ERBB4: variants seen among roughly 807,000 people sequenced by gnomAD.
ERBB4 encodes receptor tyrosine-protein kinase erbB-4.
In ERBB4, 42 loss-of-function variants were observed where a neutral mutation model predicts 158.0. The ratio of observed to expected loss-of-function variants is 0.27; its 90% confidence interval spans 0.21 to 0.34. The LOEUF (loss-of-function observed/expected upper bound fraction) is 0.34. ERBB4 is among the 10% of genes least tolerant of loss of function. The pLI is 1.00. For synonymous variants in ERBB4, 583 were observed against 558.7 expected, an observed-to-expected ratio of 1.04 and a Z score of -0.61; for missense variants, 1,333 against 1,624.1, an observed-to-expected ratio of 0.82 and a Z score of 3.08.
chr2:211,943,364 C>T (rs1045614815), intron 3 of ERBB4, among the ~76,000 whole-genome samples: 5 of 152,076 alleles, frequency 3.3e-5, no homozygotes, highest in African/African-American at 1.2e-4. Flanking sequence ...AAAAAGTCAG[C>T]AGGACATCCT....
chr2:212,406,932 G>C (rs142390071), intron 1 of ERBB4, among the ~76,000 whole-genome samples: 31 of 151,970 alleles, frequency 2.0e-4, no homozygotes, highest in Non-Finnish European at 4.0e-4. Context: ...ACCTACTTCA[G>C]TCTCTTTGCA....
chr2:212,323,491 A>G (rs1468992485), intron 1 of ERBB4, among the ~76,000 whole-genome samples: 6 of 150,384 alleles, frequency 4.0e-5, no homozygotes, highest in East Asian at 3.9e-4. Context: ...AACAGTAAAG[A>G]AAAATCATCA....
chr2:211,955,231 A>C (rs2080994626), intron 2 of ERBB4, among the ~76,000 whole-genome samples: 1 of 152,020 alleles, frequency 6.6e-6, no homozygotes, highest in Non-Finnish European at 1.5e-5. Flanking sequence ...TATGAGTTCT[A>C]CTTTCTAAGA....
intron 20 of ERBB4, among the ~76,000 whole-genome samples, chr2:211,547,970 T>C (rs2066985380): frequency 6.6e-6 from 1 of 152,088 alleles, no homozygotes; most frequent in African/African-American, 2.4e-5. Flanking sequence ...TGCTATTTTA[T>C]AGGTTAGACA....
chr2:211,663,266 T>C (rs1422412282), intron 15 of ERBB4, among the ~76,000 whole-genome samples: 1 of 152,136 alleles, frequency 6.6e-6, no homozygotes, highest in African/African-American at 2.4e-5. Flanking sequence ...ATCTGGACAA[T>C]ATGAAGGTGT....
chr2:211,388,598 G>A (rs1381662959), intron 25 of ERBB4, among the ~76,000 whole-genome samples: 1 of 150,942 alleles, frequency 6.6e-6, no homozygotes, highest in Non-Finnish European at 1.5e-5. Flanking sequence ...TTAAGAAAGA[G>A]CAGAAAATTT....
At chr2:212,402,888 T>A (rs1296350292) in intron 1 of ERBB4, among the ~76,000 whole-genome samples, 7 of 152,118 alleles carry the variant, frequency 4.6e-5, no homozygotes, top group Non-Finnish European at 1.0e-4. Flanking sequence ...TCATGATATA[T>A]TTTGTTTCAT....
At chr2:211,602,173 G>T (rs1431172385) in intron 19 of ERBB4, among the ~76,000 whole-genome samples, 3 of 152,032 alleles carry the variant, frequency 2.0e-5, no homozygotes, top group African/African-American at 7.2e-5. Flanking sequence ...GTCCATCCTA[G>T]TCACAGGCCC....
At chr2:212,058,748 T>C (rs545786136) in intron 2 of ERBB4, among the ~76,000 whole-genome samples, 1 of 152,316 alleles carries the variant, frequency 6.6e-6, no homozygotes, top group African/African-American at 2.4e-5. Flanking sequence ...CAGCCCTTCA[T>C]GCTAAAAACT....
chr2:212,331,495 C>T (rs2088169442), intron 1 of ERBB4, among the ~76,000 whole-genome samples: 1 of 151,876 alleles, frequency 6.6e-6, no homozygotes, highest in Admixed American at 6.6e-5. Flanking sequence ...CCCTCTCCTT[C>T]AGTTTTTATA....
In ERBB4 at chr2:211,375,874, T is replaced by C. The variant is rs1039761368; in HGVS notation, c.*7741A>G. The C allele has an allele frequency of 2.6e-5, 6 of 232,714 alleles. No individual in the cohort carries two copies. The highest frequency in any genetic ancestry group is 1.3e-4 in the African/African-American group (6 of 45,294). 14.4% of individuals were successfully genotyped at this position (232,714 alleles called of 1,614,324 possible). A position where few individuals can be genotyped will look rare whatever the true frequency, so the allele number is the denominator to read the frequency against. On this transcript the variant is annotated 3_prime_UTR_variant, in exon 28 of 28. Coordinates refer to ENST00000342788, the MANE Select transcript of ERBB4 (RefSeq NM_005235.3). ...AGCAGTTCGCATTCTATAATTGCCTTGTACAGGTACAATTCTTTCCCAAGA... is the reference window on the plus strand; with the variant it reads ...AGCAGTTCGCATTCTATAATTGCCTCGTACAGGTACAATTCTTTCCCAAGA...
chr2:211,539,226 C>A (rs999669835), intron 20 of ERBB4, among the ~76,000 whole-genome samples: 2 of 151,870 alleles, frequency 1.3e-5, no homozygotes, highest in Admixed American at 6.6e-5. Flanking sequence ...CTATTAGAGT[C>A]ACCCAAGTTA....
At chr2:211,755,315 A>T (rs1218795617) in intron 4 of ERBB4, among the ~76,000 whole-genome samples, 1 of 152,144 alleles carries the variant, frequency 6.6e-6, no homozygotes, top group Non-Finnish European at 1.5e-5. Flanking sequence ...CAGCTTGGGC[A>T]ACATGGCAAA....
intron 1 of ERBB4, among the ~76,000 whole-genome samples, chr2:212,191,689 GTTACATATAACACGTGTTATA>G: frequency 2.0e-5 from 1 of 50,944 alleles, no homozygotes; most frequent in African/African-American, 5.5e-5. Flanking sequence ...TGTTATACAT[GTTACATATAACACGTGTTATA>G]CATGTTACAT....
chr2:211,596,145 A>C (rs943666304), intron 19 of ERBB4, among the ~76,000 whole-genome samples: 1 of 152,126 alleles, frequency 6.6e-6, no homozygotes, highest in Non-Finnish European at 1.5e-5. Context: ...ATTAAACTAC[A>C]TGTTTAATTC....
chr2:211,991,740 T>C lies in ERBB4; in HGVS notation c.235-44124A>G, dbSNP rs543410487. ...TGTTTGAATAGGAATGAGACTAAGATAAATGAACGGAAAGGAAGTTGGAAA... is the reference window on the plus strand; with the variant it reads ...TGTTTGAATAGGAATGAGACTAAGACAAATGAACGGAAAGGAAGTTGGAAA... On this transcript the variant is annotated intron_variant, in intron 2 of 27. Transcript: ENST00000342788. Among the ~76,000 whole-genome samples, 3 of 152,262 alleles carry C rather than the reference T, an allele frequency of 2.0e-5. No individual in the cohort carries two copies. The East Asian group carries it at 5.8e-4, about 29-fold the overall frequency.
intron 19 of ERBB4, among the ~76,000 whole-genome samples, chr2:211,611,923 T>C (rs1248818089): frequency 6.6e-6 from 1 of 152,114 alleles, no homozygotes; most frequent in East Asian, 1.9e-4. Flanking sequence ...AGGAAAGTTA[T>C]TGGCCTATTG....
intron 25 of ERBB4, among the ~76,000 whole-genome samples, chr2:211,399,921 C>CT (rs2062998256): frequency 6.6e-6 from 1 of 152,098 alleles, no homozygotes. Context: ...TACATATCAC[C>CT]TAACTGCATT....
intron 1 of ERBB4, among the ~76,000 whole-genome samples, chr2:212,176,975 T>C (rs1042628612): frequency 4.0e-5 from 6 of 151,894 alleles, no homozygotes; most frequent in Admixed American, 1.3e-4. Context: ...TTTCTTTATA[T>C]ACAAATGAAA....
Sources: allele counts gnomAD v4.1 joint callset (sites outside exome capture counted in the v4.1 genomes callset), GRCh38; gene constraint gnomAD v4.1.1; transcripts MANE v1.5; gene names NCBI Gene and HGNC (gene_info 2026-07-23, HGNC 2026-07-21).